Variants in ST3GAL2 observed in about 807,000 individuals in gnomAD.
ST3GAL2 encodes CMP-N-acetylneuraminate-beta-galactosamide-alpha-2,3-sialyltransferase 2.
ST3GAL2 carries 16 observed loss-of-function variants against 37.5 expected under a neutral mutation model. That is an observed-to-expected ratio of 0.43 (90% confidence interval 0.29 to 0.65). The LOEUF is 0.65. Ranked by LOEUF, ST3GAL2 falls within the 30% of genes least tolerant of loss-of-function variation. The probability of loss-of-function intolerance (pLI) is 0.17; values close to 1 mark genes in which losing one functional copy is unlikely to be tolerated. For missense variants in ST3GAL2, 383 were observed against 487.8 expected (o/e 0.79, Z 2.02); for synonymous variants, 238 against 202.9 (o/e 1.17, Z -1.47).
chr16:70,408,317 C>T (rs984767072), intron 1 of ST3GAL2, among the ~76,000 whole-genome samples: 2 of 152,024 alleles, frequency 1.3e-5, no homozygotes, highest in South Asian at 2.1e-4. Context: ...CGCTGTGCCC[C>T]AGATCCCTGC....
chr16:70,385,422 T>A (rs1222361648), intron 4 of ST3GAL2, among the ~76,000 whole-genome samples: 1 of 152,096 alleles, frequency 6.6e-6, no homozygotes, highest in Non-Finnish European at 1.5e-5. Flanking sequence ...CAGTTTCCAT[T>A]TGGGATAATG....
chr16:70,422,208 G>A (rs1426214071), intron 1 of ST3GAL2, among the ~76,000 whole-genome samples: 2 of 152,204 alleles, frequency 1.3e-5, no homozygotes, highest in Non-Finnish European at 2.9e-5. Context: ...TGTAAAATGA[G>A]CACGATAATG....
chr16:70,435,460 T>C (rs984859864), intron 1 of ST3GAL2, among the ~76,000 whole-genome samples: 3 of 151,876 alleles, frequency 2.0e-5, no homozygotes, highest in Non-Finnish European at 2.9e-5. Flanking sequence ...TAGATGGGCG[T>C]GGTGGCGCAT....
chr16:70,400,100 G>C lies in ST3GAL2; in HGVS notation c.-1003-567C>G, dbSNP rs536782181. 20 of 152,728 alleles carry C rather than the reference G, an allele frequency of 1.3e-4. 1 individual carries two copies. Among genetic ancestry groups the C allele is most frequent in the Admixed American group, 1.3e-3 (20 of 15,316 alleles). 9.5% of individuals were successfully genotyped at this position (152,728 alleles called of 1,614,324 possible). A position where few individuals can be genotyped will look rare whatever the true frequency, so the allele number is the denominator to read the frequency against. ...GGGGAGAACCTGGCTGTGTCAGGAGGTGTGGTTGCTGGGCTTGGTCCTGCC... is the reference window on the plus strand; with the variant it reads ...GGGGAGAACCTGGCTGTGTCAGGAGCTGTGGTTGCTGGGCTTGGTCCTGCC... On this transcript the variant is annotated intron_variant, in intron 1 of 6. Coordinates refer to ENST00000342907, the MANE Select transcript of ST3GAL2 (RefSeq NM_006927.4).
chr16:70,396,652 T>A (rs1293121794), intron 2 of ST3GAL2, among the ~76,000 whole-genome samples: 1 of 152,216 alleles, frequency 6.6e-6, no homozygotes, highest in Non-Finnish European at 1.5e-5. Context: ...CTGCAGACCC[T>A]GGTCCTCGGG....
At chr16:70,432,490 C>T (rs895119826) in intron 1 of ST3GAL2, among the ~76,000 whole-genome samples, 3 of 151,894 alleles carry the variant, frequency 2.0e-5, no homozygotes, top group Admixed American at 6.6e-5. Context: ...ACAAGGTCCA[C>T]AACGGCAACA....
chr16:70,427,619 G>C (rs1489454458), intron 1 of ST3GAL2, among the ~76,000 whole-genome samples: 1 of 152,126 alleles, frequency 6.6e-6, no homozygotes, highest in East Asian at 1.9e-4. Context: ...TTACAGGCGT[G>C]AGCCACTGCG....
intron 1 of ST3GAL2, among the ~76,000 whole-genome samples, chr16:70,413,326 G>C (rs946946028): frequency 6.6e-6 from 1 of 151,898 alleles, no homozygotes; most frequent in African/African-American, 2.4e-5. Flanking sequence ...TGAGGGGGCA[G>C]GATCATTTGA....
chr16:70,414,616 C>G (rs184429418), intron 1 of ST3GAL2, among the ~76,000 whole-genome samples: 1 of 152,322 alleles, frequency 6.6e-6, no homozygotes, highest in Non-Finnish European at 1.5e-5. Flanking sequence ...GAGCCAAATT[C>G]TAGTCTAGAC....
intron 5 of ST3GAL2, 73 bp downstream of exon 5, chr16:70,383,117 G>A: frequency 6.3e-7 from 1 of 1,596,556 alleles, no homozygotes; most frequent in Admixed American, 1.8e-5. Flanking sequence ...TGGAACACCT[G>A]AGCTACAGGA....
At chr16:70,432,384 GT>G (rs2047797072) in intron 1 of ST3GAL2, among the ~76,000 whole-genome samples, 2 of 151,818 alleles carry the variant, frequency 1.3e-5, no homozygotes, top group African/African-American at 2.4e-5. Context: ...AGACAACTCT[GT>G]TCCCTCCCTC....
At chr16:70,409,072 G>C (rs1276867572) in intron 1 of ST3GAL2, among the ~76,000 whole-genome samples, 1 of 152,004 alleles carries the variant, frequency 6.6e-6, no homozygotes, top group African/African-American at 2.4e-5. Flanking sequence ...TGTGTTTTGA[G>C]TCGGAGTGGG....
chr16:70,425,230 G>A (rs2151677547), intron 1 of ST3GAL2, among the ~76,000 whole-genome samples: 1 of 152,310 alleles, frequency 6.6e-6, no homozygotes, highest in South Asian at 2.1e-4. Flanking sequence ...AGGAGGCCGA[G>A]GTGGACAGAT....
At chr16:70,397,701 G>A (rs927087880) in intron 2 of ST3GAL2, among the ~76,000 whole-genome samples, 1 of 152,072 alleles carries the variant, frequency 6.6e-6, no homozygotes, top group South Asian at 2.1e-4. Context: ...ACTCCAGCCT[G>A]GGCGACAGAA....
chr16:70,431,985 A>ATATATATAT (rs1454729972), intron 1 of ST3GAL2, among the ~76,000 whole-genome samples: 30 of 139,052 alleles, frequency 2.2e-4, no homozygotes, highest in African/African-American at 7.3e-4. Context: ...ATATATATAT[A>ATATATATAT]TTTTTTTTTA....
intron 1 of ST3GAL2, among the ~76,000 whole-genome samples, chr16:70,433,308 T>A (rs1268818522): frequency 6.6e-6 from 1 of 152,060 alleles, no homozygotes; most frequent in Non-Finnish European, 1.5e-5. Context: ...CCTCTCCCTG[T>A]CCCCTTATGA....
Position 70,378,038 on chromosome 16 carries a change from G to C in ST3GAL2, c.*3651C>G, listed in dbSNP as rs545753172. 9.2e-5 allele frequency: 14 copies of C among 152,220 alleles called. No individual in the cohort carries two copies. Among genetic ancestry groups the C allele is most frequent in the Non-Finnish European group, 1.9e-4 (13 of 68,016 alleles). The allele number at this position is 152,220 out of a possible 1,614,324, so 9.4% of individuals were successfully genotyped here. The stretch of plus-strand genomic sequence containing the variant: ...TGGAAACAATAACAGCAATAGACGG[G>C]AAATTTAACAAAATATTTGGAACAC... On this transcript the variant is annotated 3_prime_UTR_variant, in exon 7 of 7. Transcript: ENST00000342907.
intron 1 of ST3GAL2, among the ~76,000 whole-genome samples, chr16:70,409,779 A>G (rs1292597835): frequency 6.6e-6 from 1 of 150,600 alleles, no homozygotes; most frequent in Non-Finnish European, 1.5e-5. Flanking sequence ...CTAGGACCAT[A>G]GGCATACGCC....
In ST3GAL2 at chr16:70,378,773, AT is replaced by A. The variant is rs2047371835; in HGVS notation, c.*2915del. 6.6e-6 allele frequency: 1 copy of A among 152,256 alleles called. No individual in the cohort carries two copies. Among genetic ancestry groups the A allele is most frequent in the Non-Finnish European group, 1.5e-5 (1 of 68,138 alleles). The allele number at this position is 152,256 out of a possible 1,614,324, so 9.4% of individuals were successfully genotyped here. A position where few individuals can be genotyped will look rare whatever the true frequency, so the allele number is the denominator to read the frequency against. On this transcript the variant is annotated 3_prime_UTR_variant, in exon 7 of 7. Coordinates refer to ENST00000342907, the MANE Select transcript of ST3GAL2 (RefSeq NM_006927.4). ...CACTTTGGGAGGCCGAGGCGGGCAG[AT>A]CACCTGAGGTCTGGAGTTCAAGACT...
Sources: allele counts gnomAD v4.1 joint callset (sites outside exome capture counted in the v4.1 genomes callset), GRCh38; gene constraint gnomAD v4.1.1; transcripts MANE v1.5; gene names NCBI Gene and HGNC (gene_info 2026-07-23, HGNC 2026-07-21).